Variants in LINGO2 observed in about 807,000 individuals in gnomAD.
LINGO2 encodes the protein leucine rich repeat and Ig domain containing 2.
LINGO2 carries 14 observed loss-of-function variants against 30.6 expected under a neutral mutation model. The observed-to-expected ratio is 0.46, with a 90% CI of 0.30 to 0.72. The LOEUF is 0.72. LINGO2 is among the 30% of genes least tolerant of loss of function. The pLI is 0.07. For missense variants in LINGO2, 729 were observed against 751.7 expected, an observed-to-expected ratio of 0.97 and a Z score of 0.35; for synonymous variants, 317 against 288.5, an observed-to-expected ratio of 1.10 and a Z score of -1.00.
intron 1 of LINGO2, among the ~76,000 whole-genome samples, chr9:28,580,368 T>G (rs1301564553): frequency 6.6e-6 from 1 of 152,064 alleles, no homozygotes; most frequent in African/African-American, 2.4e-5. Context: ...ACAGTGGTTT[T>G]AAGGCAAAAC....
At chr9:28,883,628 G>GTATATATATATA in the LINGO2 span, among the ~76,000 whole-genome samples, 84 of 64,108 alleles carry the variant, frequency 1.3e-3, 1 homozygote, top group South Asian at 3.2e-3. Context: ...ATGTGTGTGT[G>GTATATATATATA]TATATATATA....
At chr9:28,909,783 G>A in the LINGO2 span, among the ~76,000 whole-genome samples, 1 of 152,028 alleles carries the variant, frequency 6.6e-6, no homozygotes, top group African/African-American at 2.4e-5. Flanking sequence ...ACAACTCCAA[G>A]TGAATGTAAA....
At chr9:28,942,194 T>G in the LINGO2 span, among the ~76,000 whole-genome samples, 1 of 152,146 alleles carries the variant, frequency 6.6e-6, no homozygotes, top group Non-Finnish European at 1.5e-5. Context: ...TGGAATATCA[T>G]TTGGACTCTT....
At chr9:28,098,337 A>AG (rs36095857) in intron 4 of LINGO2, among the ~76,000 whole-genome samples, 4,656 of 152,146 alleles carry the variant, frequency 0.031, 112 homozygotes, top group Non-Finnish European at 0.038. Context: ...AGCAAAAAAA[A>AG]ACTCTATACC....
At chr9:28,543,285 A>C (rs1443548737) in intron 1 of LINGO2, among the ~76,000 whole-genome samples, 1 of 152,106 alleles carries the variant, frequency 6.6e-6, no homozygotes, top group South Asian at 2.1e-4. Flanking sequence ...AAATTCTCAT[A>C]AATTTCCTTT....
At chr9:27,987,946 G>A (rs144880512) in intron 5 of LINGO2, among the ~76,000 whole-genome samples, 11 of 152,154 alleles carry the variant, frequency 7.2e-5, no homozygotes, top group Non-Finnish European at 1.3e-4. Context: ...TTGGCGTGCT[G>A]CATCCATTAA....
At chr9:29,210,186 T>C in the LINGO2 span, among the ~76,000 whole-genome samples, 1 of 152,210 alleles carries the variant, frequency 6.6e-6, no homozygotes, top group Non-Finnish European at 1.5e-5. Flanking sequence ...GTTTGGTCTC[T>C]TTTAAAATCA....
exon 6 of LINGO2, chr9:27,950,656 T>C: frequency 5.3e-6 from 8 of 1,511,144 alleles, no homozygotes; most frequent in South Asian, 4.1e-5. Flanking sequence ...CAGCATGATA[T>C]GGCCGTGTGA....
rs1174157174 is a variant in LINGO2 at position 27,952,749 on chromosome 9, C to G, written c.-35-2043G>C. Among the ~76,000 whole-genome samples the G allele has an allele frequency of 2.0e-5, 3 of 151,978 alleles. No homozygotes were observed. The East Asian group carries it at 5.8e-4, about 29-fold the overall frequency. Reference sequence around the variant, plus strand: ...TAACTTTACTTCTTCCAATAAATTCCAGATGAATTAAGGATTCAAATGTAA... The same window carrying G: ...TAACTTTACTTCTTCCAATAAATTCGAGATGAATTAAGGATTCAAATGTAA... On this transcript the variant is annotated intron_variant, in intron 5 of 5. Coordinates refer to ENST00000379992, the Ensembl canonical transcript of LINGO2.
intron 3 of LINGO2, among the ~76,000 whole-genome samples, chr9:28,355,776 T>C (rs1820184025): frequency 6.6e-6 from 1 of 152,048 alleles, no homozygotes; most frequent in Admixed American, 6.6e-5. Context: ...ACTGTACTCT[T>C]TGGGAAATGT....
intron 5 of LINGO2, among the ~76,000 whole-genome samples, chr9:27,971,907 G>C (rs1244312719): frequency 6.6e-6 from 1 of 152,092 alleles, no homozygotes; most frequent in African/African-American, 2.4e-5. Context: ...TAGATAGAGT[G>C]CTCTTCAATA....
At chr9:28,136,468 A>C (rs1340140686) in intron 4 of LINGO2, among the ~76,000 whole-genome samples, 1 of 152,182 alleles carries the variant, frequency 6.6e-6, no homozygotes, top group Non-Finnish European at 1.5e-5. Flanking sequence ...TTGTACAGTT[A>C]AGATTTATGG....
the LINGO2 span, among the ~76,000 whole-genome samples, chr9:28,959,645 C>CACACAG: frequency 3.6e-4 from 54 of 150,028 alleles, no homozygotes; most frequent in African/African-American, 1.2e-3. Flanking sequence ...CACACACACA[C>CACACAG]AGAGAACAAT....
chr9:28,661,713 A>G (rs886216598), intron 1 of LINGO2, among the ~76,000 whole-genome samples: 1 of 152,146 alleles, frequency 6.6e-6, no homozygotes, highest in Admixed American at 6.5e-5. Flanking sequence ...AAAATGATAG[A>G]TTTAAAGTTA....
chr9:29,212,601 TA>T, the LINGO2 span, among the ~76,000 whole-genome samples: 11,941 of 149,348 alleles, frequency 0.08, 489 homozygotes, highest in Non-Finnish European at 0.092. Flanking sequence ...AATAAAAATT[TA>T]AAAAAAAAAC....
At chr9:28,501,148 TG>T (rs1587764696) in intron 1 of LINGO2, among the ~76,000 whole-genome samples, 1 of 152,260 alleles carries the variant, frequency 6.6e-6, no homozygotes, top group East Asian at 1.9e-4. Flanking sequence ...GCAACAGTGT[TG>T]AACAAAAATT....
intron 4 of LINGO2, among the ~76,000 whole-genome samples, chr9:28,053,637 G>A (rs920825292): frequency 3.3e-5 from 5 of 152,008 alleles, no homozygotes; most frequent in Non-Finnish European, 7.4e-5. Context: ...TCTTAGCGCT[G>A]GTTGCAAATC....
At chr9:28,234,179 C>G (rs560805940) in intron 4 of LINGO2, among the ~76,000 whole-genome samples, 1 of 152,094 alleles carries the variant, frequency 6.6e-6, no homozygotes, top group South Asian at 2.1e-4. Flanking sequence ...ATTTCTGGAC[C>G]TGCCCTGGGC....
At chr9:28,790,918 G>A in the LINGO2 span, among the ~76,000 whole-genome samples, 2,624 of 151,992 alleles carry the variant, frequency 0.017, 70 homozygotes, top group African/African-American at 0.06. Flanking sequence ...TGTGGATAAT[G>A]GGCAACTACC....
Sources: allele counts gnomAD v4.1 joint callset (sites outside exome capture counted in the v4.1 genomes callset), GRCh38; gene constraint gnomAD v4.1.1; transcripts MANE v1.5; gene names NCBI Gene and HGNC (gene_info 2026-07-23, HGNC 2026-07-21).